The following SIPA1L2 variants were observed in gnomAD, a reference collection of about 807,000 sequenced individuals.
The protein encoded by SIPA1L2 is signal induced proliferation associated 1 like 2.
SIPA1L2 carries 56 observed loss-of-function variants against 163.9 expected under a neutral mutation model. The ratio of observed to expected loss-of-function variants is 0.34; its 90% confidence interval spans 0.28 to 0.43. The LOEUF is 0.43. Among genes scored for constraint, SIPA1L2 ranks in the 20% least tolerant of loss-of-function variants. The pLI, the probability that SIPA1L2 is intolerant of heterozygous loss-of-function variation, is 1.00. For synonymous variants in SIPA1L2, 877 were observed against 865.7 expected, an observed-to-expected ratio of 1.01 and a Z score of -0.23; for missense variants, 1,974 against 2,193.5, an observed-to-expected ratio of 0.90 and a Z score of 2.00.
At position 232,439,429 on chromosome 1, in the gene SIPA1L2, C is replaced by CTGTTGCTGGAGG. The variant is rs750487172; in HGVS notation, c.3698_3709dup (p.Thr1233_Asn1236dup). 3 of 1,614,216 alleles carry CTGTTGCTGGAGG rather than the reference C, an allele frequency of 1.9e-6. No individual in the cohort carries two copies. The highest frequency in any genetic ancestry group is 2.5e-6 in the Non-Finnish European group (3 of 1,180,046). Reference sequence around the variant, plus strand: ...GCCAGACCCAAAGTGCTTGTCGTCACTGTTGCTGGAGGTGTTGCTGGAGAG... The same window carrying CTGTTGCTGGAGG: ...GCCAGACCCAAAGTGCTTGTCGTCACTGTTGCTGGAGGTGTTGCTGGAGGTGTTGCTGGAGAG... On this transcript the variant is annotated inframe_insertion, in exon 15 of 23. Transcript: ENST00000674635.
At chr1:232,568,353 A>T (rs1214782678) in intron 2 of SIPA1L2, among the ~76,000 whole-genome samples, 1 of 152,224 alleles carries the variant, frequency 6.6e-6, no homozygotes, top group African/African-American at 2.4e-5. Flanking sequence ...GAAGACAGCC[A>T]GCTAGTGTTT....
intron 1 of SIPA1L2, among the ~76,000 whole-genome samples, chr1:232,619,751 A>G (rs956900273): frequency 1.1e-4 from 17 of 152,230 alleles, no homozygotes; most frequent in African/African-American, 3.9e-4. Context: ...GCATGGTCCC[A>G]CATCCTTATT....
At chr1:232,471,208 G>C (rs546103617) in intron 8 of SIPA1L2, among the ~76,000 whole-genome samples, 163 bp downstream of exon 8, 33 of 151,944 alleles carry the variant, frequency 2.2e-4, no homozygotes, top group African/African-American at 8.0e-4. Context: ...CTTTTTCAAG[G>C]GGATAAAATG....
chr1:232,543,631 G>A (rs1558257369), intron 2 of SIPA1L2, among the ~76,000 whole-genome samples: 2 of 152,214 alleles, frequency 1.3e-5, no homozygotes, highest in Non-Finnish European at 2.9e-5. Flanking sequence ...GGCTTTGCGA[G>A]GCTGAGGAGG....
At chr1:232,561,988 G>A (rs138295721) in intron 2 of SIPA1L2, among the ~76,000 whole-genome samples, 122 of 152,320 alleles carry the variant, frequency 8.0e-4, no homozygotes, top group African/African-American at 2.7e-3. Flanking sequence ...GGGTCCCACC[G>A]CGCCAGCTGC....
At chr1:232,582,266 C>G (rs1257408917) in intron 1 of SIPA1L2, among the ~76,000 whole-genome samples, 1 of 151,814 alleles carries the variant, frequency 6.6e-6, no homozygotes, top group East Asian at 1.9e-4. Context: ...AGCACAGTAC[C>G]CAAGAGATAG....
At chr1:232,542,174 G>A (rs941324840) in intron 2 of SIPA1L2, among the ~76,000 whole-genome samples, 7 of 152,156 alleles carry the variant, frequency 4.6e-5, no homozygotes, top group Non-Finnish European at 8.8e-5. Flanking sequence ...GTCGCTTCGC[G>A]ATATATACTA....
At chr1:232,490,821 T>A (rs1665890091) in intron 5 of SIPA1L2, 53 bp downstream of exon 5, 1 of 1,531,276 alleles carries the variant, frequency 6.5e-7, no homozygotes, top group Non-Finnish European at 8.8e-7. Flanking sequence ...TCCAAAACTT[T>A]CAGAAACAGA....
chr1:232,508,198 C>T (rs1666816669), intron 3 of SIPA1L2, among the ~76,000 whole-genome samples: 1 of 152,180 alleles, frequency 6.6e-6, no homozygotes, highest in Admixed American at 6.5e-5. Flanking sequence ...GATTTAGCCA[C>T]TTTTCACTTC....
chr1:232,597,415 C>G (rs540992654), intron 1 of SIPA1L2, among the ~76,000 whole-genome samples: 1 of 151,876 alleles, frequency 6.6e-6, no homozygotes, highest in South Asian at 2.1e-4. Context: ...CGGTGGCTCA[C>G]ACCTGTAATC....
In SIPA1L2 at chr1:232,432,479, GA is replaced by G. The variant is rs762472313; in HGVS notation, c.4032-9del. The G allele has an allele frequency of 4.2e-5, 67 of 1,610,966 alleles. No individual in the cohort carries two copies. The highest frequency in any genetic ancestry group is 5.1e-5 in the Non-Finnish European group (60 of 1,177,230). The stretch of plus-strand genomic sequence containing the variant: ...CCTGAATGGTGAGAACCACTGAGGA[GA>G]AAAACAGACAAAAGCTGCAATACAA... On this transcript the variant is annotated splice_polypyrimidine_tract_variant and intron_variant, in intron 15 of 22. Transcript: ENST00000674635.
intron 1 of SIPA1L2, among the ~76,000 whole-genome samples, chr1:232,596,646 G>A (rs1661267875): frequency 6.6e-6 from 1 of 152,126 alleles, no homozygotes; most frequent in Admixed American, 6.6e-5. Context: ...TTAGCTCCTT[G>A]AATTAAATAA....
At chr1:232,461,286 T>C (rs2102919347) in intron 9 of SIPA1L2, 125 bp from the exon 10 acceptor site, 1 of 1,197,488 alleles carries the variant, frequency 8.4e-7, no homozygotes, top group Non-Finnish European at 1.2e-6. Context: ...CCAGCCTGTC[T>C]CTCTCTGCCT....
At chr1:232,558,485 G>C (rs1240388601) in intron 2 of SIPA1L2, among the ~76,000 whole-genome samples, 1 of 152,198 alleles carries the variant, frequency 6.6e-6, no homozygotes, top group Non-Finnish European at 1.5e-5. Flanking sequence ...AGGGAATATG[G>C]CACTGAGAAA....
At chr1:232,547,719 A>G (rs1322045248) in intron 2 of SIPA1L2, among the ~76,000 whole-genome samples, 3 of 152,176 alleles carry the variant, frequency 2.0e-5, no homozygotes, top group Non-Finnish European at 4.4e-5. Flanking sequence ...AGGCCTCTAC[A>G]GTGTTTAACG....
Position 232,461,054 on chromosome 1 carries a change from A to G in SIPA1L2, c.2928T>C (p.Pro976=), listed in dbSNP as rs1664209951. 1 of 1,614,284 alleles carries G rather than the reference A, an allele frequency of 6.2e-7. No individual in the cohort carries two copies. The highest frequency in any genetic ancestry group is 8.5e-7 in the Non-Finnish European group (1 of 1,180,052). ...GGCCAGCCTTCCAGGCAAAGCCAAA[A>G]GGTTCCACATCTGCGACAATTCCTT... is the stretch of plus-strand genomic sequence containing the variant. ...NFEGIVADVE[P]FGFAWKAGLR... The change falls in exon 10 of 23, where the codon CCT becomes CCC. Residue 976 remains proline, a synonymous_variant. Coordinates refer to ENST00000674635, the MANE Select transcript of SIPA1L2 (RefSeq NM_020808.5).
intron 3 of SIPA1L2, among the ~76,000 whole-genome samples, chr1:232,504,243 A>C (rs113260184): frequency 6.1e-4 from 93 of 151,942 alleles, no homozygotes; most frequent in African/African-American, 2.2e-3. Flanking sequence ...AAAAACCACA[A>C]GAGTAATTCA....
intron 8 of SIPA1L2, among the ~76,000 whole-genome samples, chr1:232,466,546 T>A (rs1664522066): frequency 6.6e-6 from 1 of 152,072 alleles, no homozygotes; most frequent in Admixed American, 6.5e-5. Context: ...ATCCCAGCAC[T>A]TTGGGAGGTC....
intron 3 of SIPA1L2, among the ~76,000 whole-genome samples, chr1:232,509,087 G>C (rs1666866220): frequency 6.6e-6 from 1 of 152,218 alleles, no homozygotes; most frequent in Non-Finnish European, 1.5e-5. Flanking sequence ...GCGAGACTCT[G>C]TCTTCAAGAA....
Sources: allele counts gnomAD v4.1 joint callset (sites outside exome capture counted in the v4.1 genomes callset), GRCh38; gene constraint gnomAD v4.1.1; transcripts MANE v1.5; gene names NCBI Gene and HGNC (gene_info 2026-07-23, HGNC 2026-07-21).